The following CHRNA5 variants were observed in gnomAD, a reference collection of about 807,000 sequenced individuals.
The protein encoded by CHRNA5 is neuronal acetylcholine receptor subunit alpha-5.
CHRNA5 carries 28 observed loss-of-function variants against 41.2 expected under a neutral mutation model. The observed-to-expected ratio is 0.68, with a 90% CI of 0.50 to 0.93. The LOEUF is 0.93. Ranked by LOEUF, CHRNA5 falls within the 40% of genes least tolerant of loss-of-function variation. The pLI, the probability that CHRNA5 is intolerant of heterozygous loss-of-function variation, is 0.00. For missense variants in CHRNA5, 481 were observed against 581.9 expected, an observed-to-expected ratio of 0.83 and a Z score of 1.78; for synonymous variants, 188 against 205.8, an observed-to-expected ratio of 0.91 and a Z score of 0.74.
intron 4 of CHRNA5, 95 bp from the exon 5 acceptor site, chr15:78,589,710 C>T (rs2052992380): frequency 1.0e-6 from 1 of 975,024 alleles, no homozygotes; most frequent in Admixed American, 2.8e-5. Flanking sequence ...TTCATGCAAT[C>T]AATGATAGGC....
chr15:78,567,263 A>AG (rs1567048757), intron 1 of CHRNA5, among the ~76,000 whole-genome samples: 9 of 147,036 alleles, frequency 6.1e-5, no homozygotes, highest in South Asian at 2.1e-4. Context: ...AAAAAAAAAA[A>AG]AAAAGAAAAG....
At chr15:78,566,411 C>A (rs1488720559) in intron 1 of CHRNA5, among the ~76,000 whole-genome samples, 1 of 152,200 alleles carries the variant, frequency 6.6e-6, no homozygotes, top group Non-Finnish European at 1.5e-5. Flanking sequence ...TAGAGCACAG[C>A]TTTTTTCAGC....
At chr15:78,565,714 G>T (rs1473952341) in exon 1 of CHRNA5, 1 of 1,150,540 alleles carries the variant, frequency 8.7e-7, no homozygotes, top group Non-Finnish European at 1.1e-6. Context: ...GCGCGGGCGC[G>T]GGGCGATGGC....
At chr15:78,577,016 G>C (rs2052864603) in intron 1 of CHRNA5, among the ~76,000 whole-genome samples, 1 of 152,138 alleles carries the variant, frequency 6.6e-6, no homozygotes, top group South Asian at 2.1e-4. Flanking sequence ...GATGTTGTCT[G>C]TTTTGTTTAC....
At chr15:78,584,492 T>C (rs1407346009) in intron 2 of CHRNA5, among the ~76,000 whole-genome samples, 3 of 152,248 alleles carry the variant, frequency 2.0e-5, no homozygotes, top group Non-Finnish European at 4.4e-5. Context: ...TTATAGATGC[T>C]TGGGAGGTAT....
At chr15:78,569,007 TACTG>T (rs1185605680) in intron 1 of CHRNA5, among the ~76,000 whole-genome samples, 10 of 152,348 alleles carry the variant, frequency 6.6e-5, no homozygotes, top group East Asian at 3.9e-4. Flanking sequence ...AATACACACA[TACTG>T]ACTGTCAGTT....
chr15:78,590,403 C>T, exon 5 of CHRNA5: 1 of 1,614,190 alleles, frequency 6.2e-7, no homozygotes, highest in African/African-American at 1.3e-5. Flanking sequence ...TATCAACATT[C>T]ATCATCGTTC....
intron 3 of CHRNA5, among the ~76,000 whole-genome samples, chr15:78,587,478 T>C (rs1596063129): frequency 6.6e-6 from 1 of 150,916 alleles, no homozygotes; most frequent in African/African-American, 2.5e-5. Context: ...TCTGAGCTGG[T>C]GTGTGCCTAG....
At chr15:78,586,212 T>C (rs1000797122) in intron 2 of CHRNA5, among the ~76,000 whole-genome samples, 2 of 152,224 alleles carry the variant, frequency 1.3e-5, no homozygotes, top group Non-Finnish European at 2.9e-5. Flanking sequence ...TCTCACTGAT[T>C]CTAAGAAGCA....
chr15:78,586,396 T>A (rs1235710493), intron 2 of CHRNA5, among the ~76,000 whole-genome samples: 1 of 152,224 alleles, frequency 6.6e-6, no homozygotes, highest in African/African-American at 2.4e-5. Flanking sequence ...TTGAGATGAT[T>A]AATGTTAAAT....
At chr15:78,568,610 T>G (rs1315207885) in intron 1 of CHRNA5, among the ~76,000 whole-genome samples, 1 of 152,166 alleles carries the variant, frequency 6.6e-6, no homozygotes, top group Admixed American at 6.6e-5. Context: ...ATTAGGTATT[T>G]GTCCTAATGC....
In CHRNA5 at chr15:78,589,902, A is replaced by G. The variant is rs751166834; in HGVS notation, c.511A>G (p.Thr171Ala). ...ACCGGCAAACTACAAAAGTTCCTGTACCATAGATGTCACGTTTTTCCCATT... is the reference window on the plus strand; with the variant it reads ...ACCGGCAAACTACAAAAGTTCCTGTGCCATAGATGTCACGTTTTTCCCATT... Residue 171 changes from threonine (T) to alanine (A), a missense_variant, in exon 5 of 6, where the codon ACC becomes GCC. Physicochemically the swap from Thr to Ala is moderately conservative, Grantham distance 58. Transcript: ENST00000299565. The G allele has an allele frequency of 8.7e-6, 14 of 1,614,234 alleles. 1 individual carries two copies. In the South Asian group the frequency reaches 1.4e-4, roughly 16 times the overall value.
At chr15:78,592,997 A>T in intron 5 of CHRNA5, 95 bp from the exon 6 acceptor site, 2 of 1,464,936 alleles carry the variant, frequency 1.4e-6, no homozygotes, top group Non-Finnish European at 1.8e-6. Context: ...GGGAGGCAGA[A>T]ATCGATTTGG....
chr15:78,585,791 C>CTT (rs752254237), intron 2 of CHRNA5, among the ~76,000 whole-genome samples: 3 of 130,612 alleles, frequency 2.3e-5, no homozygotes, highest in Non-Finnish European at 4.7e-5. Flanking sequence ...TCTTTTCTTT[C>CTT]TTTTTTTTTT....
intron 2 of CHRNA5, among the ~76,000 whole-genome samples, chr15:78,585,934 G>C (rs1321118260): frequency 6.7e-6 from 1 of 148,554 alleles, no homozygotes; most frequent in Non-Finnish European, 1.5e-5. Context: ...ACATGCATGT[G>C]CCACCATGCC....
chr15:78,577,028 A>T (rs2052864770), intron 1 of CHRNA5, among the ~76,000 whole-genome samples: 2 of 152,164 alleles, frequency 1.3e-5, no homozygotes, highest in South Asian at 4.1e-4. Flanking sequence ...TTTGTTTACC[A>T]GTGTGTTCCC....
At chr15:78,565,900 G>C in intron 1 of CHRNA5, 75 bp downstream of exon 1, 2 of 923,612 alleles carry the variant, frequency 2.2e-6, no homozygotes, top group Admixed American at 9.1e-5. Flanking sequence ...AAGCCGCCAG[G>C]CGACGGCCGC....
intron 1 of CHRNA5, among the ~76,000 whole-genome samples, chr15:78,574,240 C>T (rs1180656162): frequency 1.3e-5 from 2 of 151,312 alleles, no homozygotes; most frequent in African/African-American, 2.4e-5. Flanking sequence ...ATTATCCGGG[C>T]GTGGTGGCAC....
Position 78,575,955 on chromosome 15 carries a change from T to C in CHRNA5, c.107-4856T>C, listed in dbSNP as rs143806856. On this transcript the variant is annotated intron_variant, in intron 1 of 5. Coordinates refer to ENST00000299565, the Ensembl canonical transcript of CHRNA5. ...TTCTTTGGAGAAATGTCTAAGTTAA[T>C]TTAGATCTCTTGCCCATTTAAAAAT... Among the ~76,000 whole-genome samples, 869 of 152,350 alleles carry C rather than the reference T, an allele frequency of 5.7e-3. 5 individuals are homozygous for C. Among genetic ancestry groups the C allele is most frequent in the Non-Finnish European group, 0.01 (714 of 68,026 alleles).
Sources: allele counts gnomAD v4.1 joint callset (sites outside exome capture counted in the v4.1 genomes callset), GRCh38; gene constraint gnomAD v4.1.1; transcripts MANE v1.5; gene names NCBI Gene and HGNC (gene_info 2026-07-23, HGNC 2026-07-21).